The following USP45 variants were observed in gnomAD, a reference collection of about 807,000 sequenced individuals.
USP45 encodes the protein ubiquitin specific peptidase 45.
In USP45, 89 loss-of-function variants were observed where a neutral mutation model predicts 95.8. The observed-to-expected ratio is 0.93, with a 90% CI of 0.78 to 1.11. The LOEUF (loss-of-function observed/expected upper bound fraction) is 1.11. Ranked by LOEUF, USP45 falls within the 50% of genes least tolerant of loss-of-function variation. The pLI is 0.00. For synonymous variants in USP45, 281 were observed against 316.2 expected (o/e 0.89, Z 1.18); for missense variants, 898 against 942.5 (o/e 0.95, Z 0.62).
At chr6:99,457,961 T>C (rs187807591) in intron 13 of USP45, among the ~76,000 whole-genome samples, 21 of 152,310 alleles carry the variant, frequency 1.4e-4, no homozygotes, top group East Asian at 1.9e-4. Context: ...TTTGAGACTA[T>C]AGAAAAGCCC....
chr6:99,448,868 T>C (rs533076988), intron 13 of USP45, among the ~76,000 whole-genome samples: 4 of 152,192 alleles, frequency 2.6e-5, no homozygotes, highest in Non-Finnish European at 5.9e-5. Flanking sequence ...TGGGGGCCAA[T>C]AGTCAACATT....
At chr6:99,472,106 G>A (rs1182121992) in intron 9 of USP45, among the ~76,000 whole-genome samples, 2 of 151,438 alleles carry the variant, frequency 1.3e-5, no homozygotes, top group South Asian at 2.1e-4. Context: ...AAATTATAGA[G>A]GTAAAACAGA....
At chr6:99,470,361 G>GT (rs1789115736) in intron 9 of USP45, among the ~76,000 whole-genome samples, 3 of 152,122 alleles carry the variant, frequency 2.0e-5, no homozygotes, top group African/African-American at 4.8e-5. Flanking sequence ...TATGATATAT[G>GT]TTTTTTAACA....
At chr6:99,446,835 T>A (rs550036565) in intron 13 of USP45, among the ~76,000 whole-genome samples, 6 of 152,142 alleles carry the variant, frequency 3.9e-5, no homozygotes, top group Non-Finnish European at 7.3e-5. Context: ...CCTCAAACTC[T>A]CGGACTCAAG....
intron 13 of USP45, chr6:99,461,253 T>C: frequency 1.0e-6 from 1 of 985,402 alleles, no homozygotes; most frequent in Non-Finnish European, 1.2e-6. Context: ...TCTACAATTA[T>C]TCAATCAGCA....
upstream of USP45, among the ~76,000 whole-genome samples, chr6:99,516,146 G>A (rs1385071088): frequency 6.6e-6 from 1 of 151,960 alleles, no homozygotes; most frequent in African/African-American, 2.4e-5. Flanking sequence ...TATTATTGTG[G>A]TTTTTCCCCC....
Position 99,445,862 on chromosome 6 carries a change from T to C in USP45, c.1910A>G (p.Asn637Ser). 2 of 1,609,598 alleles carry C rather than the reference T, an allele frequency of 1.2e-6. No individual in the cohort carries two copies. Among genetic ancestry groups the C allele is most frequent in the Non-Finnish European group, 1.7e-6 (2 of 1,178,950 alleles). The change falls in exon 14 of 18, where the codon AAT becomes AGT. Residue 637 changes from asparagine to serine, a missense_variant. Coordinates refer to ENST00000500704, the MANE Select transcript of USP45 (RefSeq NM_001346022.3). Reference sequence around the variant, plus strand: ...AGTACAATTCTCACATAGAAGCTTATTATTCCCCATTAGTAATTCCATAGA... The same window carrying C: ...AGTACAATTCTCACATAGAAGCTTACTATTCCCCATTAGTAATTCCATAGA... The part of the protein sequence containing the change: ...FTSMELLMGN[N>S]KLLCENCTKN...
At chr6:99,451,725 A>T (rs961444046) in intron 13 of USP45, among the ~76,000 whole-genome samples, 83 of 152,358 alleles carry the variant, frequency 5.4e-4, no homozygotes, top group African/African-American at 2.0e-3. Context: ...TTTCCAAGAC[A>T]ATCCTAAGCC....
intron 5 of USP45, among the ~76,000 whole-genome samples, chr6:99,493,719 G>A (rs1385185233): frequency 2.0e-5 from 3 of 151,950 alleles, no homozygotes; most frequent in East Asian, 1.9e-4. Flanking sequence ...GGCTGGTCTC[G>A]AACTCCTGAC....
At chr6:99,498,367 T>C (rs1210266737) in intron 5 of USP45, among the ~76,000 whole-genome samples, 2 of 152,056 alleles carry the variant, frequency 1.3e-5, no homozygotes, top group Non-Finnish European at 2.9e-5. Flanking sequence ...CACATAAAAA[T>C]CAAAAAGAAT....
intron 14 of USP45, among the ~76,000 whole-genome samples, chr6:99,444,801 T>TG (rs1436275940): frequency 6.6e-6 from 1 of 152,212 alleles, no homozygotes; most frequent in African/African-American, 2.4e-5. Context: ...TGACTGACGC[T>TG]GGTGCTTCCC....
Position 99,446,086 on chromosome 6 carries a change from A to C in USP45, c.1686T>G (p.Leu562=). ...CTCCAGTTACAGTGCTGCTCAAACG[A>C]AGTTCAGAAATAGCTTCTGCCATTT... The part of the protein sequence containing the change: ...DKEMAEAISE[L]RLSSTVTGDQ... The change falls in exon 14 of 18, where the codon CTT becomes CTG. Residue 562 remains leucine, a synonymous_variant. Transcript: ENST00000500704. The C allele has an allele frequency of 6.2e-7, 1 of 1,614,080 alleles. No individual in the cohort carries two copies. Among genetic ancestry groups the C allele is most frequent in the Non-Finnish European group, 8.5e-7 (1 of 1,180,042 alleles).
At position 99,434,674 on chromosome 6, in the gene USP45, T is replaced by C. The variant is rs1326412424; in HGVS notation, c.*1042A>G. On this transcript the variant is annotated 3_prime_UTR_variant, in exon 18 of 18. Transcript: ENST00000500704. ...TTAATGATGCTTGCTGAAGACAAAGTGATTTCAAAACCCCAAAACTGTGTT... is the reference window on the plus strand; with the variant it reads ...TTAATGATGCTTGCTGAAGACAAAGCGATTTCAAAACCCCAAAACTGTGTT... 1 of 152,188 alleles carries C rather than the reference T, an allele frequency of 6.6e-6. No individual in the cohort carries two copies. The highest frequency in any genetic ancestry group is 1.5e-5 in the Non-Finnish European group (1 of 68,008). 9.4% of individuals were successfully genotyped at this position (152,188 alleles called of 1,614,324 possible).
chr6:99,484,004 G>GTTTTGT (rs1554246519), intron 7 of USP45, among the ~76,000 whole-genome samples: 1 of 91,464 alleles, frequency 1.1e-5, no homozygotes, highest in South Asian at 4.8e-4. Flanking sequence ...ATTTTCCATA[G>GTTTTGT]TTTTTTTTTT....
chr6:99,445,928 G>C lies in USP45; in HGVS notation c.1844C>G (p.Ser615Cys), dbSNP rs1196549806. ...QTLSQSYITT[S>C]KECSIQSCLY... ...ACAGGACTGAATTGAACATTCTTTA[G>C]AAGTAGTTATATAGCTCTGAGAAAG... The change falls in exon 14 of 18, where the codon TCT becomes TGT. Residue 615 changes from serine (S) to cysteine (C), a missense_variant. Coordinates refer to ENST00000500704, the MANE Select transcript of USP45 (RefSeq NM_001346022.3). 1.2e-6 allele frequency: 2 copies of C among 1,613,924 alleles called. No homozygotes were observed. Among genetic ancestry groups the C allele is most frequent in the Admixed American group, 3.3e-5 (2 of 59,996 alleles).
chr6:99,466,348 T>C (rs1374976864), intron 11 of USP45, among the ~76,000 whole-genome samples: 1 of 152,148 alleles, frequency 6.6e-6, no homozygotes, highest in Non-Finnish European at 1.5e-5. Flanking sequence ...CACTGCAACG[T>C]AGCACAGTTA....
Position 99,435,828 on chromosome 6 carries a change from T to C in USP45, c.2333A>G (p.Asn778Ser), listed in dbSNP as rs6570065. Residue 778 changes from asparagine to serine, a missense_variant, in exon 18 of 18, where the codon AAT becomes AGT. Coordinates refer to ENST00000500704, the MANE Select transcript of USP45 (RefSeq NM_001346022.3). Reference protein sequence around the residue: ...KNVPGLKAADNESAGQWVHVS... With the variant: ...KNVPGLKAADSESAGQWVHVS... ...ATGGACCCACTGGCCTGCTGATTCA[T>C]TATCAGCCGCTTTCAAACCTAGCAA... 1 allele frequency: 1,607,738 copies of C among 1,612,634 alleles called. 801,562 individuals carry two copies. Among genetic ancestry groups the C allele is most frequent in the East Asian group, 1 (44,820 of 44,820 alleles).
chr6:99,503,914 A>G (rs1797951045), intron 4 of USP45, 49 bp from the exon 5 acceptor site: 2 of 1,309,752 alleles, frequency 1.5e-6, no homozygotes, highest in Admixed American at 4.5e-5. Flanking sequence ...ATTCTCAATA[A>G]TTTTGCACAT....
chr6:99,457,858 G>A (rs1327566361), intron 13 of USP45, among the ~76,000 whole-genome samples: 1 of 152,096 alleles, frequency 6.6e-6, no homozygotes, highest in Non-Finnish European at 1.5e-5. Context: ...TCATCAGCTG[G>A]TCTTAGGAAC....
Sources: gnomAD v4.1 joint callset for allele counts (sites outside exome capture counted in the v4.1 genomes callset) on GRCh38, gnomAD v4.1.1 for gene constraint, MANE v1.5 for transcripts, NCBI Gene and HGNC (gene_info 2026-07-23, HGNC 2026-07-21) for gene names.